The following CEP250 variants were observed in gnomAD, a reference collection of about 807,000 sequenced individuals.
The protein encoded by CEP250 is centrosomal protein 250, also known as centrosome-associated protein CEP250.
A neutral mutation model predicts 315.7 loss-of-function variants in CEP250; 242 were observed. That is an observed-to-expected ratio of 0.77 (90% CI 0.69 to 0.85). The LOEUF (loss-of-function observed/expected upper bound fraction) is 0.85. CEP250 is among the 40% of genes least tolerant of loss of function. The pLI is 0.00. For missense variants in CEP250, 2,515 were observed against 2,886.4 expected, an observed-to-expected ratio of 0.87 and a Z score of 2.95; for synonymous variants, 1,088 against 1,175.0, an observed-to-expected ratio of 0.93 and a Z score of 1.51.
intron 28 of CEP250, among the ~76,000 whole-genome samples, chr20:35,500,443 A>G (rs1334307491): frequency 6.6e-6 from 1 of 152,090 alleles, no homozygotes; most frequent in Non-Finnish European, 1.5e-5. Flanking sequence ...ATGTTCACCA[A>G]CCAGCGGAGC....
intron 8 of CEP250, 76 bp downstream of exon 8, chr20:35,467,148 C>T (rs935563204): frequency 2.8e-5 from 13 of 459,486 alleles, no homozygotes; most frequent in African/African-American, 1.7e-4. Flanking sequence ...GCTATAGAAG[C>T]GGGATCAGCT....
intron 9 of CEP250, among the ~76,000 whole-genome samples, chr20:35,469,097 C>T (rs1022263535): frequency 6.6e-6 from 1 of 151,988 alleles, no homozygotes; most frequent in African/African-American, 2.4e-5. Context: ...ATCACTTGAG[C>T]CCAGGAGTTT....
At position 35,472,761 on chromosome 20, in the gene CEP250, A is replaced by G. The variant is rs1461679082; in HGVS notation, c.1139A>G (p.Asp380Gly). Residue 380 changes from aspartate (D) to glycine (G), a missense_variant, in exon 12 of 35, where the codon GAT (aspartate) becomes GGT (glycine). Transcript: ENST00000397527. The stretch of plus-strand genomic sequence containing the variant: ...GACTCTAGTATCTTCTCCCAGTTTG[A>G]TTACCAGGATGCAGACAAGGCTCTT... ...ELDSSIFSQFDYQDADKALTL... is the reference protein window; with the variant it reads ...ELDSSIFSQFGYQDADKALTL... 4 of 1,614,066 alleles carry G rather than the reference A, an allele frequency of 2.5e-6. No homozygotes were observed. Among genetic ancestry groups the G allele is most frequent in the South Asian group, 2.2e-5 (2 of 91,070 alleles).
chr20:35,496,267 G>A (rs2063831545), intron 24 of CEP250, among the ~76,000 whole-genome samples: 1 of 151,992 alleles, frequency 6.6e-6, no homozygotes, highest in Admixed American at 6.6e-5. Context: ...AACCCGGGAG[G>A]CAGAGGCTGC....
chr20:35,482,111 T>A (rs1020022252), intron 20 of CEP250, among the ~76,000 whole-genome samples: 4 of 151,652 alleles, frequency 2.6e-5, no homozygotes, highest in Non-Finnish European at 5.9e-5. Context: ...ATAGATTCAC[T>A]AAGTAAAACA....
chr20:35,466,118 G>A lies in CEP250; in HGVS notation c.406G>A (p.Glu136Lys). 5 of 1,614,138 alleles carry A rather than the reference G, an allele frequency of 3.1e-6. No homozygotes were observed. Among genetic ancestry groups the A allele is most frequent in the Non-Finnish European group, 4.2e-6 (5 of 1,180,020 alleles). Residue 136 changes from glutamate to lysine, a missense_variant, in exon 7 of 35, where the codon GAA becomes AAA. Physicochemically the swap from Glu to Lys is moderately conservative, Grantham distance 56 (BLOSUM62 1). Coordinates refer to ENST00000397527, the MANE Select transcript of CEP250 (RefSeq NM_007186.6). ...TGACGTGGTGAATAAAGCCCTTAGGGAAGATGTGGAAAAACTGACAGTGGA... is the reference window on the plus strand; with the variant it reads ...TGACGTGGTGAATAAAGCCCTTAGGAAAGATGTGGAAAAACTGACAGTGGA... The part of the protein sequence containing the change: ...KADVVNKALR[E>K]DVEKLTVDWS...
rs760918555 is a variant in CEP250 at position 35,508,161 on chromosome 20, A to C, written c.6877A>C (p.Asn2293His). 6.2e-7 allele frequency: 1 copy of C among 1,613,844 alleles called. No individual in the cohort carries two copies. The highest frequency in any genetic ancestry group is 8.5e-7 in the Non-Finnish European group (1 of 1,179,992). Residue 2293 changes from asparagine to histidine, a missense_variant, in exon 32 of 35, where the codon AAT becomes CAT. By Grantham distance (68) the Asn-to-His change is moderately conservative. Coordinates refer to ENST00000397527, the MANE Select transcript of CEP250 (RefSeq NM_007186.6). Reference sequence around the variant, plus strand: ...TGACAGGAGCAGGCTGCAGCGCCACAATGTCCAGCTGCGGAGTACCTTGGA... The same window carrying C: ...TGACAGGAGCAGGCTGCAGCGCCACCATGTCCAGCTGCGGAGTACCTTGGA... ...EIDRSRLQRH[N>H]VQLRSTLEQV...
In CEP250 at chr20:35,473,451, G is replaced by A. The variant is rs1446534661; in HGVS notation, c.1287G>A (p.Glu429=). 1.2e-6 allele frequency: 2 copies of A among 1,614,098 alleles called. No individual in the cohort carries two copies. The highest frequency in any genetic ancestry group is 1.7e-6 in the Non-Finnish European group (2 of 1,180,048). ...AGCAGCATGATCAGTGGGAGGAAGAGGGCAAAGCCTTGAGACAGCGGCTGC... is the reference window on the plus strand; with the variant it reads ...AGCAGCATGATCAGTGGGAGGAAGAAGGCAAAGCCTTGAGACAGCGGCTGC... ...LQQQHDQWEE[E]GKALRQRLQK... The change falls in exon 13 of 35, where the codon GAG becomes GAA. Residue 429 remains glutamate, a synonymous_variant. Coordinates refer to ENST00000397527, the MANE Select transcript of CEP250 (RefSeq NM_007186.6).
chr20:35,495,654 G>A (rs1426862670), intron 24 of CEP250, among the ~76,000 whole-genome samples: 1 of 152,198 alleles, frequency 6.6e-6, no homozygotes, highest in East Asian at 1.9e-4. Context: ...GGAAGGCTGA[G>A]GCAGGAGAAT....
intron 27 of CEP250, among the ~76,000 whole-genome samples, chr20:35,499,835 GA>G (rs1181943707): frequency 1.3e-5 from 2 of 152,170 alleles, no homozygotes; most frequent in Non-Finnish European, 2.9e-5. Context: ...GTCAGAAGGG[GA>G]TGGATTCTCA....
In CEP250 at chr20:35,507,743, A is replaced by G. The variant is rs1399848000; in HGVS notation, c.6642A>G (p.Glu2214=). The change falls in exon 31 of 35, where the codon GAA becomes GAG. Residue 2214 remains glutamate, a synonymous_variant. Coordinates refer to ENST00000397527, the MANE Select transcript of CEP250 (RefSeq NM_007186.6). ...RDSEQQRLQD[E]LELTRRALEK... ...TCCATACCTCCGTACCCTAGGATGA[A>G]CTGGAGCTCACCAGACGGGCTCTGG... The G allele has an allele frequency of 9.0e-6, 14 of 1,553,070 alleles. No homozygotes were observed. Among genetic ancestry groups the G allele is most frequent in the Non-Finnish European group, 1.2e-5 (14 of 1,147,712 alleles).
intron 14 of CEP250, chr20:35,474,651 A>G (rs1403885938): frequency 5.1e-6 from 2 of 388,976 alleles, no homozygotes; most frequent in East Asian, 7.3e-5. Context: ...TCCAGAATCA[A>G]TGGCCCCAGC....
At position 35,473,996 on chromosome 20, in the gene CEP250, C is replaced by T; in HGVS notation, c.1515C>T (p.Gly505=). ...ELQLQGDSAQ[G]QKEEQQEELH... Reference sequence around the variant, plus strand: ...AGCTGCAGGGGGACTCTGCCCAGGGCCAGAAGGAGGAACAGCAGGAGGAGC... The same window carrying T: ...AGCTGCAGGGGGACTCTGCCCAGGGTCAGAAGGAGGAACAGCAGGAGGAGC... The change falls in exon 14 of 35, where the codon GGC becomes GGT. Residue 505 remains glycine, a synonymous_variant. Coordinates refer to ENST00000397527, the MANE Select transcript of CEP250 (RefSeq NM_007186.6). 1 of 1,603,024 alleles carries T rather than the reference C, an allele frequency of 6.2e-7. No homozygotes were observed. Among genetic ancestry groups the T allele is most frequent in the Non-Finnish European group, 8.5e-7 (1 of 1,176,422 alleles).
intron 20 of CEP250, among the ~76,000 whole-genome samples, chr20:35,484,828 A>G (rs778336759): frequency 6.6e-5 from 10 of 152,144 alleles, no homozygotes; most frequent in Non-Finnish European, 1.0e-4. Flanking sequence ...TTGTAGTGCA[A>G]AGCAGCCATA....
rs2064436645 is a variant in CEP250 at position 35,516,466 on chromosome 20, A to G, written c.*4840A>G. On this transcript the variant is annotated 3_prime_UTR_variant, in exon 35 of 35. Coordinates refer to ENST00000397527, the MANE Select transcript of CEP250 (RefSeq NM_007186.6). ...TGATGGCCTCGGCTTCTGCTGTTGT[A>G]TGTGGTTTGATGATTCATGCTGGAG... 6.6e-6 allele frequency: 1 copy of G among 152,064 alleles called. No individual in the cohort carries two copies. The highest frequency in any genetic ancestry group is 2.4e-5 in the African/African-American group (1 of 41,364). The allele number at this position is 152,064 out of a possible 1,614,324, so 9.4% of individuals were successfully genotyped here.
intron 16 of CEP250, chr20:35,476,825 T>C: frequency 2.3e-6 from 1 of 430,830 alleles, no homozygotes; most frequent in African/African-American, 2.0e-5. Context: ...AAGGGGCCCA[T>C]GTCCTCTGGA....
chr20:35,488,715 C>T (rs759855030), intron 20 of CEP250, among the ~76,000 whole-genome samples: 3 of 152,150 alleles, frequency 2.0e-5, no homozygotes, highest in East Asian at 1.9e-4. Context: ...CATCCTACCT[C>T]GGCCTCGCAA....
intron 28 of CEP250, 147 bp downstream of exon 28, chr20:35,500,316 A>C: frequency 9.7e-7 from 1 of 1,029,962 alleles, no homozygotes; most frequent in Non-Finnish European, 1.4e-6. Flanking sequence ...AGGTTTGAGT[A>C]CAATGTCACG....
In CEP250 at chr20:35,501,917, C is replaced by T. The variant is rs757984899; in HGVS notation, c.3971C>T (p.Ser1324Phe). 2 of 1,613,648 alleles carry T rather than the reference C, an allele frequency of 1.2e-6. No individual in the cohort carries two copies. Among genetic ancestry groups the T allele is most frequent in the Non-Finnish European group, 1.7e-6 (2 of 1,180,022 alleles). ...ATGGAACTACATGAAACTATGGCAT[C>T]CTTACAGAGTCGCCTGCGGAGAGCA... is the stretch of plus-strand genomic sequence containing the variant. ...ELMELHETMA[S>F]LQSRLRRAEL... Residue 1324 changes from serine to phenylalanine, a missense_variant, in exon 29 of 35, where the codon TCC becomes TTC. Ser to Phe is a radical substitution (Grantham distance 155). Transcript: ENST00000397527.
Sources: allele counts gnomAD v4.1 joint callset (sites outside exome capture counted in the v4.1 genomes callset), GRCh38; gene constraint gnomAD v4.1.1; transcripts MANE v1.5; gene names NCBI Gene and HGNC (gene_info 2026-07-23, HGNC 2026-07-21).